ZNF678: variants seen among roughly 807,000 people sequenced by gnomAD.
ZNF678 encodes hypothetical protein MGC42493.
A neutral mutation model predicts 3.0 loss-of-function variants in ZNF678; 5 were observed. The observed-to-expected ratio is 1.69, with a 90% CI of 0.88 to 3.56. The LOEUF (loss-of-function observed/expected upper bound fraction) is 3.56. Ranked by LOEUF, ZNF678 falls within the 30% of genes most tolerant of loss-of-function variation. The probability of loss-of-function intolerance (pLI) is 0.00; values close to 1 mark genes in which losing one functional copy is unlikely to be tolerated. For synonymous variants in ZNF678, 218 were observed against 199.6 expected (o/e 1.09, Z -0.78); for missense variants, 593 against 605.0 (o/e 0.98, Z 0.21).
intron 1 of ZNF678, among the ~76,000 whole-genome samples, chr1:227,589,126 C>T (rs12140813): frequency 0.22 from 32,527 of 148,542 alleles, 4,368 homozygotes; most frequent in African/African-American, 0.35. Flanking sequence ...TTTTGCCGTG[C>T]AGAAGCTCTT....
At chr1:227,571,519 A>T in intron 1 of ZNF678, among the ~76,000 whole-genome samples, 1 of 152,222 alleles carries the variant, frequency 6.6e-6, no homozygotes, top group East Asian at 1.9e-4. Flanking sequence ...GTCAATTTGC[A>T]GTTTAATTGC....
chr1:227,655,696 T>A lies in ZNF678; in HGVS notation c.1446T>A (p.Ile482=). ...QFSSLTRHKR[I]HTGEKRYKCK... is the part of the protein sequence containing the mutation. ...CAAGCCTTACTCGTCATAAAAGAAT[T>A]CATACTGGAGAGAAACGCTACAAAT... is the stretch of plus-strand genomic sequence containing the variant. Residue 482 remains isoleucine (I), a synonymous_variant, in exon 4 of 4, where the codon ATT becomes ATA. Coordinates refer to ENST00000343776, the MANE Select transcript of ZNF678 (RefSeq NM_001367909.1). 6.2e-7 allele frequency: 1 copy of A among 1,612,726 alleles called. No individual in the cohort carries two copies. Among genetic ancestry groups the A allele is most frequent in the Admixed American group, 1.7e-5 (1 of 59,838 alleles).
intron 1 of ZNF678, among the ~76,000 whole-genome samples, chr1:227,636,746 C>T (rs187896637): frequency 6.6e-6 from 1 of 152,070 alleles, no homozygotes; most frequent in African/African-American, 2.4e-5. Flanking sequence ...TGAGCTTGAC[C>T]CTGGTGCAGT....
intron 1 of ZNF678, among the ~76,000 whole-genome samples, chr1:227,587,235 A>G (rs1407272292): frequency 6.7e-6 from 1 of 148,652 alleles, no homozygotes; most frequent in Admixed American, 6.8e-5. Context: ...TTCTTTGGCT[A>G]GAGAGAGCAT....
chr1:227,658,261 T>C lies in ZNF678; in HGVS notation c.*2433T>C, dbSNP rs566009472. 65 of 152,198 alleles carry C rather than the reference T, an allele frequency of 4.3e-4. No homozygotes were observed. Among genetic ancestry groups the C allele is most frequent in the African/African-American group, 1.6e-3 (65 of 41,548 alleles). 9.4% of individuals were successfully genotyped at this position (152,198 alleles called of 1,614,324 possible). A position where few individuals can be genotyped will look rare whatever the true frequency, so the allele number is the denominator to read the frequency against. ...ATGTACACTGGGAAGGCTTCATAAT[T>C]CACAAAGTTGTTTTGACATATAAAT... On this transcript the variant is annotated 3_prime_UTR_variant, in exon 4 of 4. Coordinates refer to ENST00000343776, the MANE Select transcript of ZNF678 (RefSeq NM_001367909.1).
chr1:227,609,298 C>A (rs979789475), intron 1 of ZNF678, among the ~76,000 whole-genome samples: 3 of 152,086 alleles, frequency 2.0e-5, no homozygotes, highest in African/African-American at 7.2e-5. Flanking sequence ...CAAATATAAA[C>A]ATTTGAAAAA....
At chr1:227,653,696 G>A (rs1451854223) in intron 3 of ZNF678, among the ~76,000 whole-genome samples, 1 of 152,048 alleles carries the variant, frequency 6.6e-6, no homozygotes, top group Non-Finnish European at 1.5e-5. Context: ...CTCTGGAATT[G>A]TGTGTTTACT....
At chr1:227,664,080 A>C (rs1659461778), downstream of ZNF678, among the ~76,000 whole-genome samples, 1 of 152,088 alleles carries the variant, frequency 6.6e-6, no homozygotes, top group South Asian at 2.1e-4. Flanking sequence ...CATCACGGGG[A>C]CACTTCCATT....
intron 1 of ZNF678, among the ~76,000 whole-genome samples, chr1:227,591,298 A>C: frequency 6.8e-6 from 1 of 147,506 alleles, no homozygotes; most frequent in East Asian, 1.9e-4. Context: ...TACTAGTTCT[A>C]AGGGGTTACA....
chr1:227,611,739 G>A (rs1658025132), intron 1 of ZNF678, among the ~76,000 whole-genome samples: 1 of 152,150 alleles, frequency 6.6e-6, no homozygotes, highest in Non-Finnish European at 1.5e-5. Context: ...TTTGGTGTAT[G>A]CCTGTGGTTA....
intron 1 of ZNF678, among the ~76,000 whole-genome samples, chr1:227,592,074 A>G (rs988618761): frequency 6.6e-6 from 1 of 152,148 alleles, no homozygotes; most frequent in Admixed American, 6.5e-5. Flanking sequence ...ATGGTCTCAG[A>G]GGTTGGGCCC....
intron 5 of ZNF678, among the ~76,000 whole-genome samples, chr1:227,675,230 T>C (rs1244235175): frequency 6.6e-6 from 1 of 152,060 alleles, no homozygotes; most frequent in Non-Finnish European, 1.5e-5. Context: ...ACTTTCTCAC[T>C]CCCCTCCACT....
At chr1:227,616,596 C>T (rs1163263668) in intron 1 of ZNF678, among the ~76,000 whole-genome samples, 1 of 152,146 alleles carries the variant, frequency 6.6e-6, no homozygotes, top group East Asian at 1.9e-4. Flanking sequence ...GTGTTTTTGC[C>T]TTTGGCCCCT....
chr1:227,633,480 A>G (rs930735213), intron 1 of ZNF678, among the ~76,000 whole-genome samples: 7 of 152,168 alleles, frequency 4.6e-5, no homozygotes, highest in Admixed American at 3.9e-4. Flanking sequence ...CCCGTGTTTA[A>G]AGGTGGGTGC....
chr1:227,637,814 G>A (rs932890470), intron 1 of ZNF678, among the ~76,000 whole-genome samples: 15 of 152,262 alleles, frequency 9.9e-5, no homozygotes, highest in African/African-American at 2.6e-4. Flanking sequence ...CTTGGTTTGC[G>A]GAGGCAGGAG....
intron 1 of ZNF678, among the ~76,000 whole-genome samples, chr1:227,614,960 A>G (rs1658108057): frequency 6.6e-6 from 1 of 152,224 alleles, no homozygotes. Flanking sequence ...CGTTTAATTG[A>G]ACAAAGACTG....
At position 227,655,684 on chromosome 1, in the gene ZNF678, T is replaced by A; in HGVS notation, c.1434T>A (p.Arg478=). The part of the protein sequence containing the change: ...KAFNQFSSLT[R]HKRIHTGEKR... ...TTAACCAGTTCTCAAGCCTTACTCG[T>A]CATAAAAGAATTCATACTGGAGAGA... is the stretch of plus-strand genomic sequence containing the variant. The change falls in exon 4 of 4, where the codon CGT becomes CGA. Residue 478 remains arginine (R), a synonymous_variant. Coordinates refer to ENST00000343776, the MANE Select transcript of ZNF678 (RefSeq NM_001367909.1). 1 of 1,612,236 alleles carries A rather than the reference T, an allele frequency of 6.2e-7. No individual in the cohort carries two copies. Among genetic ancestry groups the A allele is most frequent in the Non-Finnish European group, 8.5e-7 (1 of 1,178,972 alleles).
chr1:227,582,138 A>G (rs1657144944), intron 1 of ZNF678, among the ~76,000 whole-genome samples: 1 of 151,838 alleles, frequency 6.6e-6, no homozygotes, highest in South Asian at 2.1e-4. Flanking sequence ...TACTCTATAC[A>G]TTCTGGATAC....
At chr1:227,616,401 C>A (rs1658142410) in intron 1 of ZNF678, among the ~76,000 whole-genome samples, 1 of 152,178 alleles carries the variant, frequency 6.6e-6, no homozygotes. Context: ...TGATACTGTC[C>A]CAGTGCTGTT....
Sources: allele counts gnomAD v4.1 joint callset (sites outside exome capture counted in the v4.1 genomes callset), GRCh38; gene constraint gnomAD v4.1.1; transcripts MANE v1.5; gene names NCBI Gene and HGNC (gene_info 2026-07-23, HGNC 2026-07-21).